Variants in SULT1C3 observed in about 807,000 individuals in gnomAD.
The protein encoded by SULT1C3 is sulfotransferase family 1C member 3.
Under a neutral mutation model 28.4 loss-of-function variants are expected in SULT1C3, and 31 were observed. The observed-to-expected ratio is 1.09, with a 90% CI of 0.82 to 1.47. The LOEUF is 1.47. Ranked by LOEUF, SULT1C3 falls within the 40% of genes most tolerant of loss-of-function variation. The pLI is 0.00. For missense variants in SULT1C3, 307 were observed against 272.5 expected, an observed-to-expected ratio of 1.13 and a Z score of -0.89; for synonymous variants, 106 against 92.2, an observed-to-expected ratio of 1.15 and a Z score of -0.86.
chr2:108,258,977 T>A lies in SULT1C3; in HGVS notation c.633T>A (p.His211Gln). 1.5e-6 allele frequency: 1 copy of A among 683,334 alleles called. No individual in the cohort carries two copies. Among genetic ancestry groups the A allele is most frequent in the East Asian group, 2.7e-5 (1 of 36,546 alleles). 42.3% of individuals were successfully genotyped at this position (683,334 alleles called of 1,614,324 possible). The change falls in exon 7 of 8, where the codon CAT becomes CAA. Residue 211 changes from histidine to glutamine, a missense_variant. Transcript: ENST00000681802. ...FYEDIKKNPK[H>Q]EIHKVLEFLE... ...TCTCCCATGATCAGAATCCAAAACA[T>A]GAGATCCACAAGGTGTTGGAATTCT... is the stretch of plus-strand genomic sequence containing the variant.
intron 2 of SULT1C3, among the ~76,000 whole-genome samples, chr2:108,250,638 T>A (rs1226037151): frequency 6.6e-6 from 1 of 151,732 alleles, no homozygotes; most frequent in East Asian, 1.9e-4. Flanking sequence ...AGCCCAACAC[T>A]GAAGAAAACC....
rs751775408 is a variant in SULT1C3, at chr2:108,247,203, G to A, written c.9G>A (p.Lys3=). 1 of 1,521,504 alleles carries A rather than the reference G, an allele frequency of 6.6e-7. No individual in the cohort carries two copies. The highest frequency in any genetic ancestry group is 2.3e-5 in the East Asian group (1 of 42,712). The allele number at this position is 1,521,504 out of a possible 1,614,324, so 94.3% of individuals were successfully genotyped here. Residue 3 remains lysine, a synonymous_variant, in exon 2 of 8, where the codon AAG becomes AAA. Transcript: ENST00000681802. MA[K]IEKNAPTMEK... is the part of the protein sequence containing the mutation. ...CCCATCCCAGATTCCCAATGGCGAA[G>A]ATTGAGAAAAACGCTCCCACGATGG...
intron 4 of SULT1C3, 37 bp downstream of exon 4, chr2:108,253,479 G>T: frequency 8.7e-7 from 1 of 1,154,546 alleles, no homozygotes; most frequent in Non-Finnish European, 1.2e-6. Context: ...CTCTTAGCTT[G>T]GTGATATAAA....
downstream of SULT1C3, among the ~76,000 whole-genome samples, chr2:108,262,245 A>G (rs1023539814): frequency 6.6e-6 from 1 of 152,152 alleles, no homozygotes; most frequent in African/African-American, 2.4e-5. Flanking sequence ...GAGAATCCAC[A>G]ATGATTAGAA....
chr2:108,240,706 T>A (rs1675443876), intron 1 of SULT1C3, among the ~76,000 whole-genome samples: 1 of 152,212 alleles, frequency 6.6e-6, no homozygotes, highest in Non-Finnish European at 1.5e-5. Flanking sequence ...TAAGCAGGGT[T>A]CGTCTAAAAT....
At position 108,255,560 on chromosome 2, in the gene SULT1C3, C is replaced by G. The variant is rs1336392730; in HGVS notation, c.400-12C>G. ...TTCTCTCCATGGCTTCCTTCCCTCT[C>G]CTTGATTTCAGATTGTCTATGTGGC... On this transcript the variant is annotated splice_polypyrimidine_tract_variant and intron_variant, in intron 4 of 7. Coordinates refer to ENST00000681802, the MANE Select transcript of SULT1C3 (RefSeq NM_001320878.2). 1.2e-6 allele frequency: 2 copies of G among 1,608,752 alleles called. No homozygotes were observed. Among genetic ancestry groups the G allele is most frequent in the South Asian group, 1.1e-5 (1 of 90,290 alleles).
Position 108,258,781 on chromosome 2 carries a change from A to G in SULT1C3, c.574A>G (p.Lys192Glu). 6.2e-7 allele frequency: 1 copy of G among 1,613,044 alleles called. No homozygotes were observed. The highest frequency in any genetic ancestry group is 1.1e-5 in the South Asian group (1 of 90,972). ...FDHVKGWWAA[K>E]DMHRILYLFY... ...CCATGTGAAAGGATGGTGGGCTGCA[A>G]AAGACATGCACCGGATCCTCTACCT... The change falls in exon 6 of 8, where the codon AAA becomes GAA. Residue 192 changes from lysine (K) to glutamate (E), a missense_variant. Lys to Glu is a moderately conservative substitution (Grantham distance 56, BLOSUM62 1). Coordinates refer to ENST00000681802, the MANE Select transcript of SULT1C3 (RefSeq NM_001320878.2).
intron 2 of SULT1C3, among the ~76,000 whole-genome samples, chr2:108,250,863 T>C (rs781023367): frequency 2.0e-5 from 3 of 152,094 alleles, no homozygotes; most frequent in Non-Finnish European, 2.9e-5. Flanking sequence ...CTAATTTGTA[T>C]TGACAAAAAC....
chr2:108,263,413 C>G (rs1489890291), downstream of SULT1C3, among the ~76,000 whole-genome samples: 1 of 152,120 alleles, frequency 6.6e-6, no homozygotes, highest in African/African-American at 2.4e-5. Context: ...TGCATTAATG[C>G]AACCTGCCTG....
chr2:108,256,981 A>G (rs1451721586), intron 5 of SULT1C3, among the ~76,000 whole-genome samples: 2 of 152,028 alleles, frequency 1.3e-5, no homozygotes, highest in African/African-American at 4.8e-5. Context: ...ACAGGATCCA[A>G]GCTTCTTTTC....
At chr2:108,264,120 A>G (rs1676079795), downstream of SULT1C3, among the ~76,000 whole-genome samples, 1 of 152,168 alleles carries the variant, frequency 6.6e-6, no homozygotes, top group African/African-American at 2.4e-5. Flanking sequence ...TTAGTCCCAC[A>G]TATTGGGACA....
At chr2:108,264,360 C>T (rs1175482922), downstream of SULT1C3, among the ~76,000 whole-genome samples, 2 of 152,188 alleles carry the variant, frequency 1.3e-5, no homozygotes. Context: ...TATTCCTCCT[C>T]TTAGTGACCT....
chr2:108,240,318 C>A (rs537762998), intron 1 of SULT1C3, among the ~76,000 whole-genome samples: 1 of 152,350 alleles, frequency 6.6e-6, no homozygotes, highest in South Asian at 2.1e-4. Flanking sequence ...ATTTAGATAT[C>A]TTTCCCTGAT....
intron 4 of SULT1C3, 151 bp downstream of exon 4, chr2:108,253,593 C>T: frequency 2.5e-6 from 1 of 399,888 alleles, no homozygotes; most frequent in South Asian, 1.2e-4. Context: ...TCAAGGATTA[C>T]ATAAATTTGA....
At chr2:108,243,630 C>CAAAAAAAAAA (rs34569653) in intron 1 of SULT1C3, among the ~76,000 whole-genome samples, 1 of 129,874 alleles carries the variant, frequency 7.7e-6, no homozygotes, top group Non-Finnish European at 1.7e-5. Context: ...GACTCTATCT[C>CAAAAAAAAAA]AAAAAAAAAA....
At chr2:108,248,426 A>G (rs918257088) in intron 2 of SULT1C3, among the ~76,000 whole-genome samples, 1 of 152,144 alleles carries the variant, frequency 6.6e-6, no homozygotes, top group Non-Finnish European at 1.5e-5. Flanking sequence ...AATAGGGTAT[A>G]GTTATAGGGT....
downstream of SULT1C3, among the ~76,000 whole-genome samples, chr2:108,262,306 G>T (rs769473995): frequency 1.1e-4 from 17 of 152,146 alleles, no homozygotes; most frequent in Non-Finnish European, 2.4e-4. Context: ...CAGAGAGGAG[G>T]AGGCAGATTA....
intron 5 of SULT1C3, among the ~76,000 whole-genome samples, chr2:108,256,029 C>A (rs946738324): frequency 1.3e-5 from 2 of 151,946 alleles, no homozygotes; most frequent in Non-Finnish European, 2.9e-5. Flanking sequence ...TGATATCCTG[C>A]GGTTTCATCT....
intron 1 of SULT1C3, among the ~76,000 whole-genome samples, chr2:108,246,219 T>C (rs1037876236): frequency 2.8e-4 from 42 of 152,196 alleles, no homozygotes; most frequent in African/African-American, 8.2e-4. Context: ...TCCTGTCTTC[T>C]TCTGTTCCAA....
Sources: allele counts gnomAD v4.1 joint callset (sites outside exome capture counted in the v4.1 genomes callset), GRCh38; gene constraint gnomAD v4.1.1; transcripts MANE v1.5; gene names NCBI Gene and HGNC (gene_info 2026-07-23, HGNC 2026-07-21).